The following BCAS3 variants were observed in gnomAD, a reference collection of about 807,000 sequenced individuals.
The protein encoded by BCAS3 is BCAS4/BCAS3 fusion.
In BCAS3, 53 loss-of-function variants were observed where a neutral mutation model predicts 116.1. That is an observed-to-expected ratio of 0.46 (90% CI 0.37 to 0.57). The LOEUF (loss-of-function observed/expected upper bound fraction) is 0.57, where lower values mean the gene tolerates loss of function less well. Ranked by LOEUF, BCAS3 falls within the 20% of genes least tolerant of loss-of-function variation. The pLI is 0.00. For synonymous variants in BCAS3, 391 were observed against 408.2 expected (o/e 0.96, Z 0.51); for missense variants, 917 against 1,165.4 (o/e 0.79, Z 3.10).
At chr17:61,165,146 A>T (rs2078411292) in intron 22 of BCAS3, among the ~76,000 whole-genome samples, 1 of 152,122 alleles carries the variant, frequency 6.6e-6, no homozygotes, top group Non-Finnish European at 1.5e-5. Flanking sequence ...TTACCTAATA[A>T]TTTCCCTAAT....
chr17:61,064,962 G>A (rs1052577458), intron 19 of BCAS3, among the ~76,000 whole-genome samples: 1 of 152,096 alleles, frequency 6.6e-6, no homozygotes. Flanking sequence ...ACTGCTCTGT[G>A]TATTAGATTT....
chr17:61,346,971 T>A lies in BCAS3; in HGVS notation c.2426-21356T>A, dbSNP rs928623532. 7.2e-5 allele frequency among the ~76,000 whole-genome samples: 11 copies of A among 152,270 alleles called. No individual in the cohort carries two copies. Among genetic ancestry groups the A allele is most frequent in the Non-Finnish European group, 1.3e-4 (9 of 68,044 alleles). On this transcript the variant is annotated intron_variant, in intron 22 of 23. Transcript: ENST00000407086. The surrounding 1 kb of genome is among the most constrained non-coding windows in gnomAD (Gnocchi z 5.4). ...CCTCTTCTCATGTTGGTCTGAAATA[T>A]GCCAGATCACTGACCTCTCCCTGTG... is the stretch of plus-strand genomic sequence containing the variant.
At position 61,124,419 on chromosome 17, in the gene BCAS3, T is replaced by C. The variant is rs911062735; in HGVS notation, c.2425+39855T>C. Reference sequence around the variant, plus strand: ...TATAACAATGCATCTTTTTATTTAGTTTGTTAACTACATTCTATTGTAGAA... The same window carrying C: ...TATAACAATGCATCTTTTTATTTAGCTTGTTAACTACATTCTATTGTAGAA... On this transcript the variant is annotated intron_variant, in intron 22 of 23. Coordinates refer to ENST00000407086, the MANE Select transcript of BCAS3 (RefSeq NM_017679.5). This position sits in a 1 kb window ranked among gnomAD's most constrained non-coding sequence, Gnocchi z 4.6. Among the ~76,000 whole-genome samples, 1 of 152,210 alleles carries C rather than the reference T, an allele frequency of 6.6e-6. No homozygotes were observed. The highest frequency in any genetic ancestry group is 2.4e-5 in the African/African-American group (1 of 41,466).
At chr17:60,701,805 C>CAAAAAAAAAAAAAAAA (rs71370178) in intron 4 of BCAS3, among the ~76,000 whole-genome samples, 1 of 77,088 alleles carries the variant, frequency 1.3e-5, no homozygotes, top group African/African-American at 5.1e-5. Flanking sequence ...ACTAAAAATA[C>CAAAAAAAAAAAAAAAA]AAAAAAAAAA....
chr17:61,375,053 C>G (rs548046600), intron 23 of BCAS3, among the ~76,000 whole-genome samples: 12 of 152,328 alleles, frequency 7.9e-5, no homozygotes, highest in African/African-American at 2.6e-4. Context: ...TCAGAAGCTA[C>G]TTTTATGTAC....
At chr17:60,848,056 G>A (rs2052688744) in intron 7 of BCAS3, among the ~76,000 whole-genome samples, 1 of 152,140 alleles carries the variant, frequency 6.6e-6, no homozygotes, top group Admixed American at 6.5e-5. Context: ...ATAATTTACT[G>A]AAGAGACTGT....
At chr17:61,148,796 C>G (rs1437933628) in intron 22 of BCAS3, among the ~76,000 whole-genome samples, 1 of 152,212 alleles carries the variant, frequency 6.6e-6, no homozygotes, top group Non-Finnish European at 1.5e-5. Context: ...GCTTCCTCAT[C>G]TGGTTCCCTA....
chr17:61,110,991 A>T (rs1007933412), intron 22 of BCAS3, among the ~76,000 whole-genome samples: 1 of 152,044 alleles, frequency 6.6e-6, no homozygotes, highest in Non-Finnish European at 1.5e-5. Flanking sequence ...CACCTCACAC[A>T]GCAGGGTATT....
intron 11 of BCAS3, among the ~76,000 whole-genome samples, chr17:60,910,211 G>A (rs1325091978): frequency 6.6e-6 from 1 of 152,072 alleles, no homozygotes; most frequent in Non-Finnish European, 1.5e-5. Flanking sequence ...TTAAGAGGAG[G>A]GAATGAAAGA....
chr17:60,944,823 C>T (rs1306622744), intron 13 of BCAS3, among the ~76,000 whole-genome samples: 3 of 152,114 alleles, frequency 2.0e-5, no homozygotes, highest in African/African-American at 4.8e-5. Context: ...ATTCAATTTT[C>T]TTTCATTATA....
chr17:60,781,916 C>A (rs2045868984), intron 6 of BCAS3, among the ~76,000 whole-genome samples: 2 of 152,042 alleles, frequency 1.3e-5, no homozygotes, highest in Admixed American at 1.3e-4. Flanking sequence ...CTGGAAAATT[C>A]TCTGTCATTT....
At chr17:61,237,502 C>G (rs1424102624) in intron 22 of BCAS3, among the ~76,000 whole-genome samples, 1 of 152,212 alleles carries the variant, frequency 6.6e-6, no homozygotes, top group Non-Finnish European at 1.5e-5. Context: ...GAAGCTGGTT[C>G]TTTTGCTCTT....
At chr17:61,221,257 T>C (rs2082095309) in intron 22 of BCAS3, among the ~76,000 whole-genome samples, 1 of 152,216 alleles carries the variant, frequency 6.6e-6, no homozygotes, top group Non-Finnish European at 1.5e-5. Context: ...CTCAGAATAC[T>C]TCCTTCTAAT....
At chr17:60,998,386 A>G (rs2063988451) in intron 15 of BCAS3, among the ~76,000 whole-genome samples, 2 of 152,168 alleles carry the variant, frequency 1.3e-5, no homozygotes, top group African/African-American at 2.4e-5. Context: ...TCTGTGTCAG[A>G]TGGTAATTCT....
intron 22 of BCAS3, among the ~76,000 whole-genome samples, chr17:61,236,571 C>T (rs1049847257): frequency 1.3e-5 from 2 of 152,196 alleles, no homozygotes; most frequent in South Asian, 2.1e-4. Flanking sequence ...CCACCCGCCT[C>T]GGCCTCCCAA....
In BCAS3 at chr17:60,686,594, C is replaced by T. The variant is rs553106161; in HGVS notation, c.138+2558C>T. On this transcript the variant is annotated intron_variant, in intron 3 of 23. Transcript: ENST00000407086. ...AGGCTGGAGTGCAATGGCATAATCT[C>T]GGCTCACTGCAACCTCTGCCTACGA... Among the ~76,000 whole-genome samples the T allele has an allele frequency of 7.9e-5, 12 of 151,876 alleles. No homozygotes were observed. In the South Asian group the frequency reaches 1.7e-3, roughly 21 times the overall value.
At chr17:61,133,740 C>T (rs542787862) in intron 22 of BCAS3, among the ~76,000 whole-genome samples, 1 of 150,644 alleles carries the variant, frequency 6.6e-6, no homozygotes, top group African/African-American at 2.4e-5. Context: ...GGGAACACAT[C>T]AGAAAAACCA....
At position 61,276,212 on chromosome 17, in the gene BCAS3, G is replaced by A. The variant is rs1443457705; in HGVS notation, c.2426-92115G>A. On this transcript the variant is annotated intron_variant, in intron 22 of 23. Transcript: ENST00000407086. This position sits in a 1 kb window ranked among gnomAD's most constrained non-coding sequence, Gnocchi z 4.2. ...AAAGATACATTAAAAAATTAGCCAGGCATGGTGGTGAGCACCTGTAATCCC... is the reference window on the plus strand; with the variant it reads ...AAAGATACATTAAAAAATTAGCCAGACATGGTGGTGAGCACCTGTAATCCC... Among the ~76,000 whole-genome samples the A allele has an allele frequency of 6.6e-6, 1 of 152,062 alleles. No individual in the cohort carries two copies. The highest frequency in any genetic ancestry group is 1.5e-5 in the Non-Finnish European group (1 of 68,024).
At chr17:61,177,736 G>C (rs963669499) in intron 22 of BCAS3, among the ~76,000 whole-genome samples, 5 of 152,108 alleles carry the variant, frequency 3.3e-5, no homozygotes, top group African/African-American at 1.2e-4. Context: ...ATATTCTCAA[G>C]GATGGAAGTT....
Sources: allele counts gnomAD v4.1 joint callset (sites outside exome capture counted in the v4.1 genomes callset), GRCh38; gene constraint gnomAD v4.1.1; non-coding constraint Gnocchi (gnomAD v3.1); transcripts MANE v1.5; gene names NCBI Gene and HGNC (gene_info 2026-07-23, HGNC 2026-07-21).